The following DSCAML1 variants were observed in gnomAD, a reference collection of about 807,000 sequenced individuals.
DSCAML1 encodes the protein cell adhesion molecule DSCAML1.
In DSCAML1, 38 loss-of-function variants were observed where a neutral mutation model predicts 200.5. The ratio of observed to expected loss-of-function variants is 0.19; its 90% CI spans 0.15 to 0.25. DSCAML1 has a LOEUF of 0.25. Among genes scored for constraint, DSCAML1 ranks in the 10% least tolerant of loss-of-function variants. DSCAML1 has a pLI of 1.00. For synonymous variants in DSCAML1, 1,215 were observed against 1,165.0 expected, an observed-to-expected ratio of 1.04 and a Z score of -0.87; for missense variants, 2,223 against 2,858.8, an observed-to-expected ratio of 0.78 and a Z score of 5.07.
At chr11:117,677,361 G>C (rs572715469) in intron 3 of DSCAML1, among the ~76,000 whole-genome samples, 211 of 152,296 alleles carry the variant, frequency 1.4e-3, no homozygotes, top group African/African-American at 4.9e-3. Context: ...CGAATGAGAT[G>C]GTGGAATGAG....
At chr11:117,711,567 G>C (rs1357279014) in intron 3 of DSCAML1, among the ~76,000 whole-genome samples, 1 of 152,190 alleles carries the variant, frequency 6.6e-6, no homozygotes, top group African/African-American at 2.4e-5. Context: ...GTTGGTGTGA[G>C]GGACGCGTCT....
chr11:117,524,976 C>G lies in DSCAML1; in HGVS notation c.766G>C (p.Ala256Pro). The G allele has an allele frequency of 6.2e-7, 1 of 1,612,492 alleles. No homozygotes were observed. The highest frequency in any genetic ancestry group is 8.5e-7 in the Non-Finnish European group (1 of 1,179,526). The part of the protein sequence containing the change: ...PCTASGYPIP[A>P]IRWLKDGRPL... ...CGGCCATCCTTGAGCCAGCGGATGG[C>G]GGGGATAGGGTAGCCCGAGGCGGTG... Residue 256 changes from alanine (A) to proline (P), a missense_variant, in exon 5 of 33, where the codon GCC becomes CCC. Physicochemically the swap from Ala to Pro is conservative, Grantham distance 27 (BLOSUM62 -1). Coordinates refer to ENST00000651296, the MANE Select transcript of DSCAML1 (RefSeq NM_020693.4).
chr11:117,789,280 G>A (rs1283257807), intron 1 of DSCAML1, among the ~76,000 whole-genome samples: 1 of 152,188 alleles, frequency 6.6e-6, no homozygotes, highest in Non-Finnish European at 1.5e-5. Flanking sequence ...CTGTCGGACA[G>A]ACTCTTTAAT....
chr11:117,514,038 C>T (rs2049704218), intron 8 of DSCAML1, among the ~76,000 whole-genome samples: 1 of 152,218 alleles, frequency 6.6e-6, no homozygotes, highest in South Asian at 2.1e-4. Context: ...CAAACCCTTC[C>T]TCTTCCCATA....
At chr11:117,746,221 CAAAAAAAAAAAA>C (rs34362262) in intron 3 of DSCAML1, among the ~76,000 whole-genome samples, 6 of 66,822 alleles carry the variant, frequency 9.0e-5, no homozygotes, top group African/African-American at 2.1e-4. Context: ...GACTCTGTCT[CAAAAAAAAAAAA>C]AAAAAAAAAA....
At chr11:117,687,138 G>A (rs1591400116) in intron 3 of DSCAML1, among the ~76,000 whole-genome samples, 1 of 152,296 alleles carries the variant, frequency 6.6e-6, no homozygotes, top group Admixed American at 6.5e-5. Context: ...GGAGAGACAG[G>A]AAGAAAAGGA....
At chr11:117,724,114 A>AT (rs149941098) in intron 3 of DSCAML1, among the ~76,000 whole-genome samples, 2 of 151,748 alleles carry the variant, frequency 1.3e-5, no homozygotes, top group African/African-American at 4.8e-5. Context: ...CCATCACAAC[A>AT]TTTTTCCCCC....
intron 3 of DSCAML1, among the ~76,000 whole-genome samples, chr11:117,647,210 T>C (rs958697753): frequency 6.6e-6 from 1 of 152,204 alleles, no homozygotes; most frequent in Admixed American, 6.5e-5. Context: ...GACATAGACA[T>C]GGGAAAGAAG....
chr11:117,749,988 CAT>C (rs2054579817), intron 3 of DSCAML1, among the ~76,000 whole-genome samples: 1 of 152,192 alleles, frequency 6.6e-6, no homozygotes, highest in South Asian at 2.1e-4. Context: ...CACTGTTCGA[CAT>C]ATTAGGATTT....
At chr11:117,562,769 T>C (rs1417189197) in intron 3 of DSCAML1, among the ~76,000 whole-genome samples, 1 of 152,226 alleles carries the variant, frequency 6.6e-6, no homozygotes, top group Non-Finnish European at 1.5e-5. Flanking sequence ...ACAGACTCTG[T>C]TGCCCAGGCT....
At chr11:117,612,750 G>A (rs188970904) in intron 3 of DSCAML1, among the ~76,000 whole-genome samples, 2 of 152,208 alleles carry the variant, frequency 1.3e-5, no homozygotes, top group Non-Finnish European at 2.9e-5. Flanking sequence ...GATGGGCATC[G>A]TCAAGGGGTG....
At chr11:117,793,865 G>A (rs964752517) in intron 1 of DSCAML1, among the ~76,000 whole-genome samples, 2 of 152,138 alleles carry the variant, frequency 1.3e-5, no homozygotes, top group African/African-American at 2.4e-5. Context: ...AAAACGAAGC[G>A]TCGGAAAGGC....
At chr11:117,542,170 A>G (rs1474522789) in intron 3 of DSCAML1, among the ~76,000 whole-genome samples, 3 of 152,038 alleles carry the variant, frequency 2.0e-5, no homozygotes, top group East Asian at 1.9e-4. Context: ...TTAGCTGGGT[A>G]TGGTGTCAGG....
intron 3 of DSCAML1, among the ~76,000 whole-genome samples, chr11:117,631,181 G>A (rs944624090): frequency 2.0e-4 from 31 of 152,198 alleles, no homozygotes; most frequent in African/African-American, 7.5e-4. Flanking sequence ...TATAGCCTGA[G>A]GACACAAGAG....
intron 11 of DSCAML1, among the ~76,000 whole-genome samples, chr11:117,502,555 C>T (rs1044683251): frequency 1.3e-5 from 2 of 152,166 alleles, no homozygotes; most frequent in Admixed American, 6.5e-5. Flanking sequence ...GAGCATCGAT[C>T]GCTGGGGCTT....
At chr11:117,722,257 T>C (rs1439971961) in intron 3 of DSCAML1, among the ~76,000 whole-genome samples, 1 of 149,958 alleles carries the variant, frequency 6.7e-6, no homozygotes. Context: ...TTTCTCTAAG[T>C]CAGGCACAGA....
At chr11:117,483,688 G>C (rs1035745851) in intron 11 of DSCAML1, among the ~76,000 whole-genome samples, 2 of 152,240 alleles carry the variant, frequency 1.3e-5, no homozygotes, top group African/African-American at 4.8e-5. Flanking sequence ...GAATCTGCTT[G>C]AGCCAAGGCT....
At position 117,780,294 on chromosome 11, in the gene DSCAML1, A is replaced by AAG. The variant is rs1237061556; in HGVS notation, c.364+197_364+198dup. Among the ~76,000 whole-genome samples, 3 of 106,648 alleles carry AAG rather than the reference A, an allele frequency of 2.8e-5. No individual in the cohort carries two copies. Among genetic ancestry groups the AAG allele is most frequent in the Non-Finnish European group, 4.4e-5 (2 of 45,638 alleles). The allele number at this position is 106,648 out of a possible 152,430, so 70.0% of individuals were successfully genotyped here. On this transcript the variant is annotated intron_variant, in intron 2 of 32. Transcript: ENST00000651296. This position sits in a 1 kb window ranked among gnomAD's most constrained non-coding sequence, Gnocchi z 4.8. ...AAAGAAAGAAAGAAAGAAAGAAAGA[A>AAG]AGAAAGAAAGAGAGAAAGGAGAAAG...
chr11:117,550,398 G>T (rs1188683796), intron 3 of DSCAML1, among the ~76,000 whole-genome samples: 1 of 152,128 alleles, frequency 6.6e-6, no homozygotes, highest in African/African-American at 2.4e-5. Context: ...CAGGACAGAG[G>T]CCTCAAATCC....
Sources: gnomAD v4.1 joint callset for allele counts (sites outside exome capture counted in the v4.1 genomes callset) on GRCh38, gnomAD v4.1.1 for gene constraint, Gnocchi (gnomAD v3.1) non-coding constraint, MANE v1.5 for transcripts, NCBI Gene and HGNC (gene_info 2026-07-23, HGNC 2026-07-21) for gene names.